TMEM132D: variants seen among roughly 807,000 people sequenced by gnomAD.
TMEM132D encodes mature OL transmembrane protein.
TMEM132D carries 21 observed loss-of-function variants against 62.3 expected under a neutral mutation model. That is an observed-to-expected ratio of 0.34 (90% CI 0.24 to 0.49). The LOEUF is 0.49. TMEM132D is among the 20% of genes least tolerant of loss of function. The probability of loss-of-function intolerance (pLI) is 0.99; values close to 1 mark genes in which losing one functional copy is unlikely to be tolerated. For synonymous variants in TMEM132D, 621 were observed against 575.6 expected (o/e 1.08, Z -1.13); for missense variants, 1,346 against 1,402.8 (o/e 0.96, Z 0.65).
At chr12:129,631,052 A>T (rs1879334099) in intron 2 of TMEM132D, among the ~76,000 whole-genome samples, 1 of 152,114 alleles carries the variant, frequency 6.6e-6, no homozygotes, top group African/African-American at 2.4e-5. Context: ...CCTGATGGTG[A>T]CCTACCCCAT....
chr12:129,483,883 C>A (rs1186091539), intron 3 of TMEM132D, among the ~76,000 whole-genome samples: 7 of 152,206 alleles, frequency 4.6e-5, no homozygotes, highest in African/African-American at 1.7e-4. Context: ...TGATTTTGCT[C>A]TAATTTAGTT....
At chr12:129,346,081 G>A (rs987033947) in intron 3 of TMEM132D, among the ~76,000 whole-genome samples, 3 of 152,126 alleles carry the variant, frequency 2.0e-5, no homozygotes, top group Admixed American at 1.3e-4. Context: ...GCTTTTTTTG[G>A]TTGGTAGGCT....
rs11392426 is a variant in TMEM132D at position 129,703,465 on chromosome 12, C to CTTT, written c.80-2770_80-2768dup. ...ACCTAAAGCTAGTGTCACTTCCTTT[C>CTTT]TTTTTTTTTTTTAACTAATACTACA... On this transcript the variant is annotated intron_variant, in intron 1 of 8. Transcript: ENST00000422113. Among the ~76,000 whole-genome samples the CTTT allele has an allele frequency of 3.4e-3, 508 of 147,726 alleles. 1 individual carries two copies. Among genetic ancestry groups the CTTT allele is most frequent in the Middle Eastern group, 7.2e-3 (2 of 278 alleles).
chr12:129,182,538 C>T (rs1343358145), intron 5 of TMEM132D, among the ~76,000 whole-genome samples: 2 of 152,174 alleles, frequency 1.3e-5, no homozygotes, highest in Non-Finnish European at 2.9e-5. Flanking sequence ...TGGAAGGGAG[C>T]GTGCTGGCAA....
intron 1 of TMEM132D, among the ~76,000 whole-genome samples, chr12:129,794,726 C>T (rs61942065): frequency 0.19 from 29,543 of 151,984 alleles, 2,922 homozygotes; most frequent in South Asian, 0.29. Flanking sequence ...TTTTTACTAT[C>T]TGTGAGTGCG....
intron 2 of TMEM132D, among the ~76,000 whole-genome samples, chr12:129,547,515 G>T (rs1209240417): frequency 6.6e-6 from 1 of 152,194 alleles, no homozygotes; most frequent in Non-Finnish European, 1.5e-5. Flanking sequence ...AGGTACAAGG[G>T]ATGAGGGCAT....
chr12:129,603,127 C>T (rs530069616), intron 2 of TMEM132D, among the ~76,000 whole-genome samples: 2 of 152,150 alleles, frequency 1.3e-5, no homozygotes, highest in Non-Finnish European at 2.9e-5. Flanking sequence ...TTTGTTACAA[C>T]TGAGGAACCT....
At chr12:129,451,561 T>C (rs1371033509) in intron 3 of TMEM132D, among the ~76,000 whole-genome samples, 2 of 152,170 alleles carry the variant, frequency 1.3e-5, no homozygotes, top group African/African-American at 4.8e-5. Context: ...AAAAATCTCA[T>C]GATAAAATAT....
intron 2 of TMEM132D, among the ~76,000 whole-genome samples, chr12:129,548,983 G>A (rs989124430): frequency 6.6e-6 from 1 of 152,200 alleles, no homozygotes; most frequent in Non-Finnish European, 1.5e-5. Flanking sequence ...TCACTCGTTG[G>A]GTGAGGTGAT....
At chr12:129,127,191 TTGAG>T (rs1023850241) in intron 5 of TMEM132D, among the ~76,000 whole-genome samples, 1 of 152,176 alleles carries the variant, frequency 6.6e-6, no homozygotes, top group African/African-American at 2.4e-5. Flanking sequence ...ATTTTCTTGA[TTGAG>T]TTTTTGTTTT....
intron 2 of TMEM132D, among the ~76,000 whole-genome samples, chr12:129,678,334 T>A (rs1173591857): frequency 6.6e-6 from 1 of 152,194 alleles, no homozygotes; most frequent in Non-Finnish European, 1.5e-5. Context: ...ATTGCTTAAT[T>A]TTGGCAATAT....
At position 129,867,104 on chromosome 12, in the gene TMEM132D, A is replaced by G. The variant is rs534513058; in HGVS notation, c.79+36157T>C. Among the ~76,000 whole-genome samples the G allele has an allele frequency of 2.3e-3, 351 of 151,164 alleles. 6 individuals carry two copies. Among genetic ancestry groups the G allele is most frequent in the African/African-American group, 8.3e-3 (341 of 41,244 alleles). On this transcript the variant is annotated intron_variant, in intron 1 of 8. Transcript: ENST00000422113. The surrounding 1 kb of genome is among the most constrained non-coding windows in gnomAD (Gnocchi z 4.5). Reference sequence around the variant, plus strand: ...AACCCTGTCTCTACAAAAAAAAAATACAGAAATTAGCTGGGCACGGTGGTA... The same window carrying G: ...AACCCTGTCTCTACAAAAAAAAAATGCAGAAATTAGCTGGGCACGGTGGTA...
In TMEM132D at chr12:129,682,563, G is replaced by A. The variant is rs534031263; in HGVS notation, c.968+17247C>T. ...TGGAAGGGTCACAGCAGTGTTTAAT[G>A]GCCTTTGGATGTCACTGTAATTTGC... is the stretch of plus-strand genomic sequence containing the variant. On this transcript the variant is annotated intron_variant, in intron 2 of 8. Transcript: ENST00000422113. 2.0e-5 allele frequency among the ~76,000 whole-genome samples: 3 copies of A among 152,192 alleles called. No individual in the cohort carries two copies. The South Asian group carries it at 6.2e-4, about 32-fold the overall frequency.
intron 1 of TMEM132D, among the ~76,000 whole-genome samples, chr12:129,831,333 C>T (rs1872823766): frequency 6.6e-6 from 1 of 152,230 alleles, no homozygotes; most frequent in Non-Finnish European, 1.5e-5. Context: ...ATTGTCCCTC[C>T]CACACATGCA....
chr12:129,811,970 C>T (rs893199482), intron 1 of TMEM132D, among the ~76,000 whole-genome samples: 2 of 151,792 alleles, frequency 1.3e-5, no homozygotes, highest in Non-Finnish European at 2.9e-5. Context: ...TATATTTCAA[C>T]CTCGTGAGAT....
chr12:129,524,927 C>CTT (rs372985812), intron 3 of TMEM132D, among the ~76,000 whole-genome samples: 2 of 85,952 alleles, frequency 2.3e-5, no homozygotes, highest in African/African-American at 8.4e-5. Context: ...TTTCTTTTTT[C>CTT]TTTTTTTTTT....
At chr12:129,428,339 A>G (rs115968617) in intron 3 of TMEM132D, among the ~76,000 whole-genome samples, 1,752 of 152,366 alleles carry the variant, frequency 0.011, 18 homozygotes, top group African/African-American at 0.025. Flanking sequence ...TAAAACACCA[A>G]CAACAGTAGT....
intron 3 of TMEM132D, among the ~76,000 whole-genome samples, chr12:129,518,763 A>C (rs1340575900): frequency 1.3e-5 from 2 of 152,124 alleles, no homozygotes; most frequent in African/African-American, 4.8e-5. Flanking sequence ...AAACTGCTAT[A>C]GTTATTTAAT....
At chr12:129,660,370 A>T (rs568036597) in intron 2 of TMEM132D, among the ~76,000 whole-genome samples, 76 of 152,150 alleles carry the variant, frequency 5.0e-4, no homozygotes, top group African/African-American at 1.6e-3. Context: ...CACCCCTAAC[A>T]CAGCCTCTTC....
Sources: allele counts gnomAD v4.1 joint callset (sites outside exome capture counted in the v4.1 genomes callset), GRCh38; gene constraint gnomAD v4.1.1; non-coding constraint Gnocchi (gnomAD v3.1); transcripts MANE v1.5; gene names NCBI Gene and HGNC (gene_info 2026-07-23, HGNC 2026-07-21).